ANKRD45: variants seen among roughly 807,000 people sequenced by gnomAD.
The protein encoded by ANKRD45 is ankyrin repeat domain-containing protein 45.
A neutral mutation model predicts 28.1 loss-of-function variants in ANKRD45; 21 were observed. That is an observed-to-expected ratio of 0.75 (90% CI 0.53 to 1.08). The LOEUF (loss-of-function observed/expected upper bound fraction) is 1.08. Among genes scored for constraint, ANKRD45 ranks in the 50% least tolerant of loss-of-function variants. The pLI is 0.00. For missense variants in ANKRD45, 261 were observed against 308.7 expected, an observed-to-expected ratio of 0.85 and a Z score of 1.16; for synonymous variants, 86 against 103.9, an observed-to-expected ratio of 0.83 and a Z score of 1.05.
chr1:173,687,486 GA>G, the ANKRD45 span, among the ~76,000 whole-genome samples: 3 of 122,460 alleles, frequency 2.4e-5, no homozygotes, highest in African/African-American at 9.7e-5. Flanking sequence ...CTTCTCTGAA[GA>G]TAACTATTCT....
chr1:173,641,536 T>G (rs1365886471), intron 3 of ANKRD45, among the ~76,000 whole-genome samples: 2 of 152,208 alleles, frequency 1.3e-5, no homozygotes, highest in Non-Finnish European at 2.9e-5. Context: ...TGCAAGGAGC[T>G]CAGGCCTTTC....
chr1:173,613,567 C>CCCCCCT lies in ANKRD45; in HGVS notation c.731-3353_731-3352insAGGGGG, dbSNP rs1553264322. 1.4e-5 allele frequency among the ~76,000 whole-genome samples: 2 copies of CCCCCCT among 148,138 alleles called. 1 individual carries two copies. Among genetic ancestry groups the CCCCCCT allele is most frequent in the African/African-American group, 5.0e-5 (2 of 39,686 alleles). On this transcript the variant is annotated intron_variant, in intron 5 of 5. Transcript: ENST00000333279. ...GGGAGGGAGGTGGGGGGTCAGCCCCCCCCCCGGCCAGCCGCCCCGTCCGGG... is the reference window on the plus strand; with the variant it reads ...GGGAGGGAGGTGGGGGGTCAGCCCCCCCCCCTCCCCCGGCCAGCCGCCCCGTCCGGG...
At chr1:173,611,262 T>C (rs1409199349) in intron 5 of ANKRD45, among the ~76,000 whole-genome samples, 1 of 152,174 alleles carries the variant, frequency 6.6e-6, no homozygotes, top group Non-Finnish European at 1.5e-5. Flanking sequence ...CTCTTCTTTC[T>C]TCATGATGCT....
intron 3 of ANKRD45, among the ~76,000 whole-genome samples, chr1:173,638,864 C>T (rs1558130458): frequency 6.6e-6 from 1 of 152,188 alleles, no homozygotes; most frequent in Non-Finnish European, 1.5e-5. Context: ...ACACTCGTGT[C>T]TAGATTTGAC....
the ANKRD45 span, among the ~76,000 whole-genome samples, chr1:173,708,334 C>T: frequency 6.6e-6 from 1 of 152,194 alleles, no homozygotes; most frequent in African/African-American, 2.4e-5. Flanking sequence ...TCCACACTCA[C>T]GAATGGGATT....
chr1:173,679,250 G>A, the ANKRD45 span, among the ~76,000 whole-genome samples: 1 of 152,096 alleles, frequency 6.6e-6, no homozygotes, highest in African/African-American at 2.4e-5. Context: ...ACAGTCCTAA[G>A]CAAAAAGAAC....
At chr1:173,673,336 C>T (rs1670318219), upstream of ANKRD45, among the ~76,000 whole-genome samples, 1 of 152,062 alleles carries the variant, frequency 6.6e-6, no homozygotes, top group African/African-American at 2.4e-5. Context: ...TGGTCTCGAA[C>T]TCATGATATC....
intron 1 of ANKRD45, among the ~76,000 whole-genome samples, chr1:173,664,719 T>C (rs1193357949): frequency 1.3e-5 from 2 of 152,228 alleles, no homozygotes; most frequent in Non-Finnish European, 2.9e-5. Context: ...ACGTAATCTA[T>C]CCAATTAGGT....
intron 3 of ANKRD45, among the ~76,000 whole-genome samples, chr1:173,631,913 TAAC>T (rs1244322835): frequency 6.6e-6 from 1 of 151,452 alleles, no homozygotes; most frequent in Non-Finnish European, 1.5e-5. Flanking sequence ...ATAAACACCT[TAAC>T]AATACATCTT....
chr1:173,614,275 A>T (rs6688567), intron 5 of ANKRD45, among the ~76,000 whole-genome samples: 61,777 of 151,190 alleles, frequency 0.41, 16,349 homozygotes, highest in African/African-American at 0.74. Flanking sequence ...TAAAAAAAAA[A>T]AAATAAATAA....
chr1:173,714,518 GGTCT>G, the ANKRD45 span, among the ~76,000 whole-genome samples: 2 of 152,040 alleles, frequency 1.3e-5, no homozygotes, highest in Non-Finnish European at 2.9e-5. Flanking sequence ...GTCTATCTCT[GGTCT>G]GTCTATCTAA....
At chr1:173,703,782 C>A in the ANKRD45 span, among the ~76,000 whole-genome samples, 1 of 152,214 alleles carries the variant, frequency 6.6e-6, no homozygotes, top group African/African-American at 2.4e-5. Context: ...CAAGCTCAAG[C>A]TTTTTCCCAC....
intron 1 of ANKRD45, among the ~76,000 whole-genome samples, chr1:173,660,953 C>G (rs565097307): frequency 1.8e-4 from 27 of 152,228 alleles, no homozygotes; most frequent in African/African-American, 6.3e-4. Context: ...ACCTAACAAG[C>G]TTAGGGCTCA....
the ANKRD45 span, chr1:173,714,964 A>C: frequency 2.0e-5 from 3 of 152,872 alleles, no homozygotes; most frequent in Admixed American, 6.5e-5. Context: ...GGGAAAGGAA[A>C]TAGCTCTACG....
At chr1:173,665,236 T>C (rs1669957470) in intron 1 of ANKRD45, among the ~76,000 whole-genome samples, 2 of 152,128 alleles carry the variant, frequency 1.3e-5, no homozygotes, top group Admixed American at 6.6e-5. Flanking sequence ...ACTCCTGGGC[T>C]CAAGCTATCC....
At chr1:173,706,561 A>G in the ANKRD45 span, among the ~76,000 whole-genome samples, 3 of 151,628 alleles carry the variant, frequency 2.0e-5, no homozygotes, top group Non-Finnish European at 4.4e-5. Context: ...CTGGTCTCGA[A>G]CTCCTGACCT....
the ANKRD45 span, among the ~76,000 whole-genome samples, chr1:173,685,338 C>T: frequency 1.3e-5 from 2 of 152,176 alleles, no homozygotes; most frequent in Non-Finnish European, 1.5e-5. Context: ...TGGATGCCCT[C>T]GGGGGCTGAC....
At chr1:173,714,864 G>T in the ANKRD45 span, 1 of 152,240 alleles carries the variant, frequency 6.6e-6, no homozygotes, top group African/African-American at 2.4e-5. Flanking sequence ...TTCCGGAGCC[G>T]CACCGGAACC....
the ANKRD45 span, among the ~76,000 whole-genome samples, chr1:173,702,991 A>C: frequency 2.0e-5 from 3 of 151,828 alleles, no homozygotes; most frequent in African/African-American, 7.3e-5. Flanking sequence ...CTCCCAAAGC[A>C]CTGGGATTAC....
Sources: gnomAD v4.1 joint callset for allele counts (sites outside exome capture counted in the v4.1 genomes callset) on GRCh38, gnomAD v4.1.1 for gene constraint, MANE v1.5 for transcripts, NCBI Gene and HGNC (gene_info 2026-07-23, HGNC 2026-07-21) for gene names.